Variants in PPARGC1A observed in about 807,000 individuals in gnomAD.
PPARGC1A encodes peroxisome proliferator-activated receptor gamma coactivator 1-alpha.
Under a neutral mutation model 88.7 loss-of-function variants are expected in PPARGC1A, and 25 were observed. The observed-to-expected ratio is 0.28, with a 90% CI of 0.21 to 0.39. The LOEUF is 0.39. Ranked by LOEUF, PPARGC1A falls within the 10% of genes least tolerant of loss-of-function variation. PPARGC1A has a pLI of 1.00. For missense variants in PPARGC1A, 880 were observed against 968.7 expected (o/e 0.91, Z 1.22); for synonymous variants, 363 against 355.6 (o/e 1.02, Z -0.24).
chr4:24,462,010 A>G, the PPARGC1A span, among the ~76,000 whole-genome samples: 2 of 152,202 alleles, frequency 1.3e-5, no homozygotes, highest in East Asian at 3.9e-4. Flanking sequence ...CTCCACTTGT[A>G]ACACACATTC....
the PPARGC1A span, among the ~76,000 whole-genome samples, chr4:24,184,291 T>A: frequency 6.6e-6 from 1 of 152,188 alleles, no homozygotes; most frequent in African/African-American, 2.4e-5. Flanking sequence ...GTAAATTTAC[T>A]GGGAAAAAAT....
At chr4:24,114,911 G>A in the PPARGC1A span, among the ~76,000 whole-genome samples, 11 of 146,216 alleles carry the variant, frequency 7.5e-5, no homozygotes, top group Non-Finnish European at 1.0e-4. Context: ...CATTTGCTGT[G>A]GATTAATTAC....
chr4:24,153,003 T>C, the PPARGC1A span, among the ~76,000 whole-genome samples: 1 of 152,196 alleles, frequency 6.6e-6, no homozygotes, highest in Non-Finnish European at 1.5e-5. Flanking sequence ...AATTGATGAA[T>C]TCGTTAATTG....
chr4:24,286,015 T>TA, the PPARGC1A span, among the ~76,000 whole-genome samples: 1 of 152,168 alleles, frequency 6.6e-6, no homozygotes, highest in African/African-American at 2.4e-5. Context: ...ATGCTCCTAT[T>TA]ACAGCAGCAA....
At chr4:24,014,263 C>T in the PPARGC1A span, among the ~76,000 whole-genome samples, 2 of 152,176 alleles carry the variant, frequency 1.3e-5, no homozygotes, top group African/African-American at 4.8e-5. Flanking sequence ...TGAACCTTGA[C>T]CCTCACTTGC....
At chr4:24,065,724 T>C in the PPARGC1A span, among the ~76,000 whole-genome samples, 1 of 152,128 alleles carries the variant, frequency 6.6e-6, no homozygotes, top group Non-Finnish European at 1.5e-5. Flanking sequence ...GAAGGCTCTG[T>C]GAAGTCTGAG....
chr4:24,185,228 C>T, the PPARGC1A span, among the ~76,000 whole-genome samples: 2 of 152,090 alleles, frequency 1.3e-5, no homozygotes, highest in African/African-American at 4.8e-5. Flanking sequence ...CTTCACCACC[C>T]TCCAAAAATA....
At chr4:24,008,789 T>A in the PPARGC1A span, among the ~76,000 whole-genome samples, 1 of 152,158 alleles carries the variant, frequency 6.6e-6, no homozygotes. Context: ...AGTTCCCTGT[T>A]AATTTTGTTT....
chr4:24,195,285 A>T, the PPARGC1A span, among the ~76,000 whole-genome samples: 1 of 152,240 alleles, frequency 6.6e-6, no homozygotes, highest in East Asian at 1.9e-4. Context: ...TGTGGTGAAG[A>T]TTAAATGACA....
At chr4:24,401,426 A>G in the PPARGC1A span, among the ~76,000 whole-genome samples, 45 of 152,296 alleles carry the variant, frequency 3.0e-4, no homozygotes, top group African/African-American at 1.0e-3. Flanking sequence ...TATCGGGCCA[A>G]TGAACACGTT....
chr4:24,216,811 A>C, the PPARGC1A span, among the ~76,000 whole-genome samples: 1 of 152,204 alleles, frequency 6.6e-6, no homozygotes, highest in Admixed American at 6.5e-5. Context: ...TGATCAACCA[A>C]GATTCTCCCT....
the PPARGC1A span, among the ~76,000 whole-genome samples, chr4:24,396,044 G>GA: frequency 8.5e-5 from 13 of 152,102 alleles, no homozygotes; most frequent in Non-Finnish European, 1.5e-4. Context: ...GTGCTCTGAA[G>GA]ATGCAACAGG....
intron 10 of PPARGC1A, among the ~76,000 whole-genome samples, chr4:23,810,321 G>A (rs1173554104): frequency 6.6e-6 from 1 of 151,898 alleles, no homozygotes; most frequent in Non-Finnish European, 1.5e-5. Context: ...TAAAAATCAA[G>A]TTGACACTTG....
chr4:24,274,226 T>A, the PPARGC1A span, among the ~76,000 whole-genome samples: 2 of 152,152 alleles, frequency 1.3e-5, no homozygotes, highest in Non-Finnish European at 1.5e-5. Flanking sequence ...TTAATTCATA[T>A]TGTCTCTTTT....
chr4:24,420,414 G>T, the PPARGC1A span, among the ~76,000 whole-genome samples: 3 of 152,046 alleles, frequency 2.0e-5, no homozygotes, highest in Admixed American at 6.5e-5. Context: ...TTTTTCCGGC[G>T]CGTTGAAGGC....
At chr4:24,112,346 A>G in the PPARGC1A span, among the ~76,000 whole-genome samples, 1 of 152,086 alleles carries the variant, frequency 6.6e-6, no homozygotes, top group African/African-American at 2.4e-5. Context: ...ACATTTTTCT[A>G]TTTTTTACAG....
chr4:24,040,362 T>C, the PPARGC1A span, among the ~76,000 whole-genome samples: 19 of 152,224 alleles, frequency 1.2e-4, no homozygotes, highest in South Asian at 2.1e-4. Flanking sequence ...AAGGAAACCA[T>C]AGCCTCTTTG....
chr4:23,815,494 A>T (rs191194725), intron 7 of PPARGC1A, among the ~76,000 whole-genome samples: 1 of 152,270 alleles, frequency 6.6e-6, no homozygotes, highest in Non-Finnish European at 1.5e-5. Context: ...TCAGCAGCTA[A>T]CTAATTAAAT....
upstream of PPARGC1A, among the ~76,000 whole-genome samples, chr4:23,906,607 CAA>C (rs35171233): frequency 0.048 from 3,086 of 63,712 alleles, 36 homozygotes; most frequent in African/African-American, 0.12. Flanking sequence ...CTCTGTCTCA[CAA>C]AAAAAAAAAA....
Sources: gnomAD v4.1 joint callset for allele counts (sites outside exome capture counted in the v4.1 genomes callset) on GRCh38, gnomAD v4.1.1 for gene constraint, MANE v1.5 for transcripts, NCBI Gene and HGNC (gene_info 2026-07-23, HGNC 2026-07-21) for gene names.